FARS2: variants seen among roughly 807,000 people sequenced by gnomAD.
FARS2 encodes the protein phenylalanyl-tRNA synthetase 2, mitochondrial, also known as phenylalanine--tRNA ligase, mitochondrial.
FARS2 carries 40 observed loss-of-function variants against 46.4 expected under a neutral mutation model. That is an observed-to-expected ratio of 0.86 (90% CI 0.67 to 1.12). FARS2 has a LOEUF of 1.12. Among genes scored for constraint, FARS2 ranks in the 50% most tolerant of loss-of-function variants. The pLI, the probability that FARS2 is intolerant of heterozygous loss-of-function variation, is 0.00. For missense variants in FARS2, 513 were observed against 567.9 expected (o/e 0.90, Z 0.98); for synonymous variants, 234 against 214.9 (o/e 1.09, Z -0.78).
intron 5 of FARS2, among the ~76,000 whole-genome samples, chr6:5,564,013 T>TA (rs1772171184): frequency 6.6e-6 from 1 of 152,148 alleles, no homozygotes; most frequent in South Asian, 2.1e-4. Flanking sequence ...CTAAACCCAA[T>TA]AAAAAGTCCT....
chr6:5,288,480 G>A (rs988180492), intron 1 of FARS2, among the ~76,000 whole-genome samples: 1 of 152,158 alleles, frequency 6.6e-6, no homozygotes. Flanking sequence ...TGAAGTCCAG[G>A]TTGTTCTTCT....
chr6:5,756,828 G>A (rs1310327525), intron 6 of FARS2, among the ~76,000 whole-genome samples: 3 of 152,136 alleles, frequency 2.0e-5, no homozygotes, highest in Non-Finnish European at 2.9e-5. Flanking sequence ...AAAAATTGTG[G>A]TAGACAAAGA....
At chr6:5,533,662 G>A (rs933491560) in intron 4 of FARS2, among the ~76,000 whole-genome samples, 1 of 152,178 alleles carries the variant, frequency 6.6e-6, no homozygotes, top group Non-Finnish European at 1.5e-5. Flanking sequence ...ATTTTCTGAG[G>A]AAAAGAGGGC....
chr6:5,282,414 C>T (rs548181227), intron 1 of FARS2, among the ~76,000 whole-genome samples: 6 of 152,142 alleles, frequency 3.9e-5, no homozygotes, highest in South Asian at 2.1e-4. Context: ...CCAGGGGAAG[C>T]GCCTGAGGTT....
At chr6:5,250,772 T>A in the FARS2 span, among the ~76,000 whole-genome samples, 1 of 152,224 alleles carries the variant, frequency 6.6e-6, no homozygotes, top group Admixed American at 6.5e-5. Context: ...AAAGCAGTCT[T>A]TTTCTCTTTT....
chr6:5,687,945 T>G (rs1322427411), intron 6 of FARS2, among the ~76,000 whole-genome samples: 1 of 152,224 alleles, frequency 6.6e-6, no homozygotes, highest in East Asian at 1.9e-4. Context: ...CCTAGGTATT[T>G]TATTCTCTTT....
chr6:5,771,401 A>G lies in FARS2; in HGVS notation c.1328A>G (p.Gln443Arg), dbSNP rs760743151. ...CAGGCCTTGCAGGAGGCTGCAGTCC[A>G]GCTGTTGGGTGTGGAGGGCAGGTTC... The part of the protein sequence containing the change: ...IHQALQEAAV[Q>R]LLGVEGRF The change falls in exon 7 of 7, where the codon CAG (glutamine) becomes CGG (arginine). Residue 443 changes from glutamine to arginine, a missense_variant. Physicochemically the swap from Gln to Arg is conservative, Grantham distance 43 (BLOSUM62 1). Transcript: ENST00000274680. The G allele has an allele frequency of 3.7e-6, 6 of 1,614,168 alleles. No homozygotes were observed. The East Asian group carries it at 1.3e-4, about 36-fold the overall frequency.
At chr6:5,333,969 C>G (rs1770978187) in intron 1 of FARS2, among the ~76,000 whole-genome samples, 1 of 152,198 alleles carries the variant, frequency 6.6e-6, no homozygotes, top group Non-Finnish European at 1.5e-5. Flanking sequence ...GTTCTTCCTC[C>G]TAAACCTCCA....
At chr6:5,739,056 A>G (rs1761140185) in intron 6 of FARS2, among the ~76,000 whole-genome samples, 1 of 152,082 alleles carries the variant, frequency 6.6e-6, no homozygotes, top group East Asian at 1.9e-4. Context: ...TCTGGCACCT[A>G]CTAATCTGTT....
chr6:5,508,775 G>A (rs929194814), intron 4 of FARS2, among the ~76,000 whole-genome samples: 3 of 152,226 alleles, frequency 2.0e-5, no homozygotes, highest in Non-Finnish European at 4.4e-5. Flanking sequence ...GCAGCCGTAC[G>A]CAGGGCGGAC....
chr6:5,283,245 C>T (rs6903805), intron 1 of FARS2, among the ~76,000 whole-genome samples: 10,760 of 151,916 alleles, frequency 0.071, 550 homozygotes, highest in African/African-American at 0.15. Flanking sequence ...TGTTGGCATG[C>T]GCCTGTAATC....
At chr6:5,750,489 A>G (rs942810349) in intron 6 of FARS2, among the ~76,000 whole-genome samples, 4 of 152,164 alleles carry the variant, frequency 2.6e-5, no homozygotes, top group African/African-American at 9.7e-5. Flanking sequence ...GATAAACAAG[A>G]CGACCAGAGA....
chr6:5,514,391 G>A (rs1768657352), intron 4 of FARS2, among the ~76,000 whole-genome samples: 1 of 152,144 alleles, frequency 6.6e-6, no homozygotes, highest in Non-Finnish European at 1.5e-5. Context: ...AATAGTAATT[G>A]GGACTTGCCT....
intron 5 of FARS2, among the ~76,000 whole-genome samples, chr6:5,602,462 C>T (rs1774575635): frequency 6.6e-6 from 1 of 151,988 alleles, no homozygotes; most frequent in Non-Finnish European, 1.5e-5. Context: ...TCCTGGCCAA[C>T]ATGGTAAAAC....
At chr6:5,488,886 T>C (rs952030668) in intron 4 of FARS2, among the ~76,000 whole-genome samples, 2 of 152,194 alleles carry the variant, frequency 1.3e-5, no homozygotes, top group African/African-American at 4.8e-5. Context: ...TTTCTTTTAA[T>C]GTTTTCAGTC....
rs182077659 is a variant in FARS2 at position 5,422,379 on chromosome 6, T to G, written c.773-8662T>G. Among the ~76,000 whole-genome samples the G allele has an allele frequency of 8.9e-3, 1,317 of 148,658 alleles. 9 individuals carry two copies. The highest frequency in any genetic ancestry group is 0.014 in the Non-Finnish European group (957 of 66,942). On this transcript the variant is annotated intron_variant, in intron 3 of 6. Coordinates refer to ENST00000274680, the MANE Select transcript of FARS2 (RefSeq NM_006567.5). ...GTTTGGTTCTCTCTCTCTCTCTCTCTTTTTTTTTTAAATCATAAATGTCAC... is the reference window on the plus strand; with the variant it reads ...GTTTGGTTCTCTCTCTCTCTCTCTCGTTTTTTTTTAAATCATAAATGTCAC...
intron 6 of FARS2, among the ~76,000 whole-genome samples, chr6:5,653,804 C>A (rs1777482659): frequency 1.3e-5 from 2 of 152,214 alleles, no homozygotes; most frequent in African/African-American, 4.8e-5. Context: ...GCAAAGCTCA[C>A]CTTCATGGAG....
chr6:5,442,787 G>A (rs1235924630), intron 4 of FARS2, among the ~76,000 whole-genome samples: 1 of 152,112 alleles, frequency 6.6e-6, no homozygotes, highest in Non-Finnish European at 1.5e-5. Context: ...CCCCAGTGAT[G>A]CCCTTTTCAC....
At chr6:5,360,291 TTTCA>T (rs1302367642) in intron 1 of FARS2, among the ~76,000 whole-genome samples, 2 of 152,190 alleles carry the variant, frequency 1.3e-5, no homozygotes, top group African/African-American at 4.8e-5. Context: ...CATTCATTTT[TTTCA>T]TTCATTCATT....
Sources: allele counts gnomAD v4.1 joint callset (sites outside exome capture counted in the v4.1 genomes callset), GRCh38; gene constraint gnomAD v4.1.1; transcripts MANE v1.5; gene names NCBI Gene and HGNC (gene_info 2026-07-23, HGNC 2026-07-21).